Variants in SEMA3D observed in about 807,000 individuals in gnomAD.
SEMA3D encodes semaphorin 3D, also known as semaphorin-3D.
In SEMA3D, 84 loss-of-function variants were observed where a neutral mutation model predicts 100.1. That is an observed-to-expected ratio of 0.84 (90% CI 0.70 to 1.01). The LOEUF (loss-of-function observed/expected upper bound fraction) is 1.01. SEMA3D is among the 50% of genes least tolerant of loss of function. SEMA3D has a pLI of 0.00. For missense variants in SEMA3D, 875 were observed against 934.1 expected (o/e 0.94, Z 0.82); for synonymous variants, 312 against 320.7 (o/e 0.97, Z 0.29).
chr7:85,030,403 G>C (rs75992066), intron 12 of SEMA3D, among the ~76,000 whole-genome samples: 4,085 of 151,908 alleles, frequency 0.027, 198 homozygotes, highest in African/African-American at 0.094. Context: ...GGAAATCCAC[G>C]TGTAAGCTTT....
At chr7:85,011,014 T>A (rs1338774085) in intron 17 of SEMA3D, among the ~76,000 whole-genome samples, 4 of 151,736 alleles carry the variant, frequency 2.6e-5, no homozygotes, top group Non-Finnish European at 5.9e-5. Flanking sequence ...CAAGGGCACA[T>A]AGGTATGCTG....
At chr7:85,135,598 A>G (rs1187033261) in intron 2 of SEMA3D, among the ~76,000 whole-genome samples, 3 of 151,902 alleles carry the variant, frequency 2.0e-5, no homozygotes, top group African/African-American at 7.2e-5. Context: ...TGGCACATGT[A>G]TACATATGTA....
At chr7:85,089,498 T>C (rs577957132) in intron 4 of SEMA3D, among the ~76,000 whole-genome samples, 16 of 152,156 alleles carry the variant, frequency 1.1e-4, no homozygotes, top group African/African-American at 1.9e-4. Flanking sequence ...TTGAAGACAC[T>C]ATGAGCATGA....
At chr7:85,070,393 G>A (rs1470932589) in intron 6 of SEMA3D, among the ~76,000 whole-genome samples, 1 of 152,116 alleles carries the variant, frequency 6.6e-6, no homozygotes, top group Non-Finnish European at 1.5e-5. Context: ...AGCTTTCCCT[G>A]TTTCTTCCCA....
rs116329933 is a variant in SEMA3D, at chr7:85,129,171, G to A, written c.-40-7240C>T. ...CTCCCAAAGTATTGGGATTACAGGCGTGAGCCACTGTGCCTCACCTACTTT... is the reference window on the plus strand; with the variant it reads ...CTCCCAAAGTATTGGGATTACAGGCATGAGCCACTGTGCCTCACCTACTTT... On this transcript the variant is annotated intron_variant, in intron 2 of 18. Transcript: ENST00000284136. Among the ~76,000 whole-genome samples, 942 of 151,948 alleles carry A rather than the reference G, an allele frequency of 6.2e-3. 6 individuals are homozygous for A. The highest frequency in any genetic ancestry group is 0.02 in the African/African-American group (830 of 41,496).
chr7:85,135,407 A>T (rs1005454546), intron 2 of SEMA3D, among the ~76,000 whole-genome samples: 2 of 152,066 alleles, frequency 1.3e-5, no homozygotes, highest in African/African-American at 4.8e-5. Flanking sequence ...TCGCAAGAAC[A>T]AAAAACCAAA....
At chr7:85,178,582 C>A (rs2116568352) in intron 1 of SEMA3D, among the ~76,000 whole-genome samples, 1 of 152,056 alleles carries the variant, frequency 6.6e-6, no homozygotes, top group African/African-American at 2.4e-5. Flanking sequence ...GGGTATCTGG[C>A]AGAAAAAATT....
chr7:85,001,835 A>G (rs1005927914), intron 18 of SEMA3D, among the ~76,000 whole-genome samples: 1 of 152,168 alleles, frequency 6.6e-6, no homozygotes, highest in Non-Finnish European at 1.5e-5. Flanking sequence ...AATTCTCTTA[A>G]TAGAAAATGG....
At chr7:85,247,118 A>G in the SEMA3D span, among the ~76,000 whole-genome samples, 1 of 152,012 alleles carries the variant, frequency 6.6e-6, no homozygotes, top group African/African-American at 2.4e-5. Context: ...CTTACTAAAA[A>G]TTTTCTGTTT....
rs560105501 is a variant in SEMA3D, at chr7:85,093,155, C to T, written c.312+4650G>A. Among the ~76,000 whole-genome samples the T allele has an allele frequency of 6.6e-5, 10 of 152,026 alleles. No homozygotes were observed. The South Asian group carries it at 2.1e-3, about 32-fold the overall frequency. On this transcript the variant is annotated intron_variant, in intron 4 of 18. Coordinates refer to ENST00000284136, the MANE Select transcript of SEMA3D (RefSeq NM_001384900.1). The stretch of plus-strand genomic sequence containing the variant: ...AAAAGAAAAAATCAGTCTTCTAAGT[C>T]AATTAATTTTTAAAGAAAGTTTGTT...
At chr7:85,048,109 G>C (rs932069833) in intron 9 of SEMA3D, among the ~76,000 whole-genome samples, 3 of 151,772 alleles carry the variant, frequency 2.0e-5, no homozygotes, top group Admixed American at 6.6e-5. Flanking sequence ...CAGGCTTTCT[G>C]TTGGCCATTT....
chr7:85,218,409 T>C, the SEMA3D span, among the ~76,000 whole-genome samples: 1 of 152,128 alleles, frequency 6.6e-6, no homozygotes, highest in Non-Finnish European at 1.5e-5. Flanking sequence ...TTTAACTTTA[T>C]TATTAAAAGT....
chr7:85,027,293 A>C (rs1434216548), intron 12 of SEMA3D, among the ~76,000 whole-genome samples: 2 of 151,744 alleles, frequency 1.3e-5, no homozygotes, highest in East Asian at 3.9e-4. Flanking sequence ...GTGGGAAATA[A>C]ATGACTGTCA....
intron 4 of SEMA3D, among the ~76,000 whole-genome samples, chr7:85,083,779 G>A (rs1462440135): frequency 6.7e-6 from 1 of 149,602 alleles, no homozygotes; most frequent in East Asian, 2.0e-4. Flanking sequence ...CCCGGGAGGC[G>A]GAGCTTGCAG....
Position 85,097,965 on chromosome 7 carries a change from T to A in SEMA3D, c.152A>T (p.Asp51Val). The A allele has an allele frequency of 6.7e-7, 1 of 1,499,614 alleles. No homozygotes were observed. The allele number at this position is 1,499,614 out of a possible 1,614,324, so 92.9% of individuals were successfully genotyped here. A position where few individuals can be genotyped will look rare whatever the true frequency, so the allele number is the denominator to read the frequency against. ...NIPRLKLTYKDLLLSNSCIPF... is the reference protein window; with the variant it reads ...NIPRLKLTYKVLLLSNSCIPF... ...AATACAGCTATTTGAAAGCAGCAAGTCTATGGAAAGCAAAAAAAGAAAAGA... is the reference window on the plus strand; with the variant it reads ...AATACAGCTATTTGAAAGCAGCAAGACTATGGAAAGCAAAAAAAGAAAAGA... Residue 51 changes from aspartate (D) to valine (V), a missense_variant and splice_region_variant, in exon 4 of 19, where the codon GAC becomes GTC. Asp to Val is a radical substitution (Grantham distance 152). Coordinates refer to ENST00000284136, the MANE Select transcript of SEMA3D (RefSeq NM_001384900.1).
At chr7:85,081,992 G>A (rs1788078187) in intron 4 of SEMA3D, among the ~76,000 whole-genome samples, 1 of 152,172 alleles carries the variant, frequency 6.6e-6, no homozygotes, top group Admixed American at 6.5e-5. Context: ...CTCTCTGTCA[G>A]AGCATAACTT....
At chr7:85,161,731 A>G (rs1258846500) in intron 1 of SEMA3D, among the ~76,000 whole-genome samples, 2 of 152,152 alleles carry the variant, frequency 1.3e-5, no homozygotes, top group Non-Finnish European at 2.9e-5. Flanking sequence ...TCACTCTGTA[A>G]TACCCATTAT....
chr7:85,217,912 C>T, the SEMA3D span, among the ~76,000 whole-genome samples: 1 of 152,102 alleles, frequency 6.6e-6, no homozygotes, highest in Non-Finnish European at 1.5e-5. Flanking sequence ...CTCAAGTACT[C>T]TCTGGTGTCA....
intron 2 of SEMA3D, among the ~76,000 whole-genome samples, chr7:85,149,060 G>A (rs1790292379): frequency 6.6e-6 from 1 of 151,770 alleles, no homozygotes; most frequent in Non-Finnish European, 1.5e-5. Flanking sequence ...GTATTAACAG[G>A]AAACACAAAA....
Sources: gnomAD v4.1 joint callset for allele counts (sites outside exome capture counted in the v4.1 genomes callset) on GRCh38, gnomAD v4.1.1 for gene constraint, MANE v1.5 for transcripts, NCBI Gene and HGNC (gene_info 2026-07-23, HGNC 2026-07-21) for gene names.